PARVA: variants seen among roughly 807,000 people sequenced by gnomAD.
PARVA encodes parvin alpha.
A neutral mutation model predicts 52.6 loss-of-function variants in PARVA; 25 were observed. The ratio of observed to expected loss-of-function variants is 0.48; its 90% CI spans 0.35 to 0.66. The LOEUF (loss-of-function observed/expected upper bound fraction) is 0.66. Among genes scored for constraint, PARVA ranks in the 30% least tolerant of loss-of-function variants. The probability of loss-of-function intolerance (pLI) is 0.01; values close to 1 mark genes in which losing one functional copy is unlikely to be tolerated. For missense variants in PARVA, 373 were observed against 450.9 expected, an observed-to-expected ratio of 0.83 and a Z score of 1.56; for synonymous variants, 185 against 179.1, an observed-to-expected ratio of 1.03 and a Z score of -0.26.
At chr11:12,437,676 CA>C (rs1564846711) in intron 1 of PARVA, among the ~76,000 whole-genome samples, 1 of 152,138 alleles carries the variant, frequency 6.6e-6, no homozygotes, top group African/African-American at 2.4e-5. Context: ...AAAAGAGCAT[CA>C]AGGCTGTGCT....
chr11:12,508,871 A>G (rs60327557), intron 7 of PARVA, among the ~76,000 whole-genome samples: 6,910 of 152,120 alleles, frequency 0.045, 452 homozygotes, highest in African/African-American at 0.15. Context: ...AGTGATTGAA[A>G]ACTTCTAATT....
intron 1 of PARVA, among the ~76,000 whole-genome samples, chr11:12,461,125 T>C (rs953723148): frequency 1.3e-5 from 2 of 152,200 alleles, no homozygotes; most frequent in African/African-American, 4.8e-5. Context: ...GGCTGCCCTT[T>C]AGGAACCAAC....
intron 4 of PARVA, among the ~76,000 whole-genome samples, chr11:12,494,749 C>T (rs1941276696): frequency 6.6e-6 from 1 of 151,990 alleles, no homozygotes; most frequent in Admixed American, 6.6e-5. Flanking sequence ...CTGTTCAATG[C>T]CAGATTTTAA....
intron 1 of PARVA, among the ~76,000 whole-genome samples, chr11:12,460,188 C>T (rs1179114127): frequency 6.6e-6 from 1 of 152,118 alleles, no homozygotes; most frequent in Admixed American, 6.5e-5. Context: ...ATGGACGAAA[C>T]ATTTTCGTAT....
At chr11:12,482,893 C>G (rs1171109241) in intron 4 of PARVA, among the ~76,000 whole-genome samples, 1 of 152,232 alleles carries the variant, frequency 6.6e-6, no homozygotes, top group South Asian at 2.1e-4. Context: ...GGCAAGGACA[C>G]AGCCAAACCA....
intron 1 of PARVA, among the ~76,000 whole-genome samples, chr11:12,451,949 A>G (rs1940628981): frequency 6.6e-6 from 1 of 152,124 alleles, no homozygotes; most frequent in East Asian, 1.9e-4. Flanking sequence ...TAGTAATTAC[A>G]TCTCGGGATT....
chr11:12,490,043 C>T (rs985845176), intron 4 of PARVA, among the ~76,000 whole-genome samples: 15 of 151,790 alleles, frequency 9.9e-5, no homozygotes, highest in Admixed American at 6.6e-5. Context: ...GGTGAAACCC[C>T]GTCTCTATGA....
intron 1 of PARVA, among the ~76,000 whole-genome samples, chr11:12,438,835 C>T (rs1940423583): frequency 6.6e-6 from 1 of 152,154 alleles, no homozygotes; most frequent in Admixed American, 6.6e-5. Flanking sequence ...GCTTAAATCC[C>T]TCCTGCCTTG....
chr11:12,414,637 A>T (rs1481475710), intron 1 of PARVA, among the ~76,000 whole-genome samples: 4 of 147,224 alleles, frequency 2.7e-5, no homozygotes, highest in African/African-American at 5.0e-5. Context: ...TGAAAATTTC[A>T]TTTTTTTTTT....
chr11:12,381,602 T>C (rs768647820), intron 1 of PARVA, among the ~76,000 whole-genome samples: 75 of 152,366 alleles, frequency 4.9e-4, no homozygotes, highest in Non-Finnish European at 8.2e-4. Flanking sequence ...CCCCACAAAC[T>C]TAACTGCTAA....
intron 1 of PARVA, among the ~76,000 whole-genome samples, chr11:12,417,790 G>A (rs1003537020): frequency 6.6e-6 from 1 of 152,106 alleles, no homozygotes; most frequent in Non-Finnish European, 1.5e-5. Flanking sequence ...TTGTCCTCAG[G>A]GCCCCCCGGG....
intron 1 of PARVA, among the ~76,000 whole-genome samples, chr11:12,412,108 C>T (rs1290197173): frequency 6.6e-6 from 1 of 152,164 alleles, no homozygotes; most frequent in African/African-American, 2.4e-5. Flanking sequence ...GACACTGTCC[C>T]TAGGGTTCCC....
intron 1 of PARVA, among the ~76,000 whole-genome samples, chr11:12,384,739 T>C (rs1405013866): frequency 6.6e-6 from 1 of 151,814 alleles, no homozygotes; most frequent in East Asian, 1.9e-4. Flanking sequence ...GTGGACCTGG[T>C]ACATTATTGA....
intron 1 of PARVA, among the ~76,000 whole-genome samples, chr11:12,460,485 G>A (rs1040671852): frequency 4.0e-5 from 6 of 151,482 alleles, no homozygotes; most frequent in African/African-American, 1.5e-4. Flanking sequence ...CAATGTGTGT[G>A]CCCTCACCAT....
intron 3 of PARVA, among the ~76,000 whole-genome samples, chr11:12,474,651 G>A (rs768961640): frequency 3.3e-5 from 5 of 152,088 alleles, no homozygotes; most frequent in African/African-American, 4.8e-5. Context: ...TGGGCAATGC[G>A]ATGAAACATC....
At position 12,529,180 on chromosome 11, in the gene PARVA, A is replaced by C. The variant is rs1355262860; in HGVS notation, c.*1255A>C. 1 of 152,182 alleles carries C rather than the reference A, an allele frequency of 6.6e-6. No homozygotes were observed. Among genetic ancestry groups the C allele is most frequent in the Non-Finnish European group, 1.5e-5 (1 of 68,038 alleles). The allele number at this position is 152,182 out of a possible 1,614,324, so 9.4% of individuals were successfully genotyped here. On this transcript the variant is annotated 3_prime_UTR_variant, in exon 13 of 13. Transcript: ENST00000334956. ...GCTAATTCAAGCGAGGAAAAATGTA[A>C]GTCATTTAGACCAAAGCCAAGCAGT...
At chr11:12,508,453 T>A (rs1369974862) in intron 6 of PARVA, 131 bp from the exon 7 acceptor site, 2 of 724,786 alleles carry the variant, frequency 2.8e-6, no homozygotes, top group African/African-American at 3.6e-5. Context: ...TCCAGCATTA[T>A]CTTATCTTGG....
chr11:12,518,832 TG>T (rs1386631723), intron 12 of PARVA, among the ~76,000 whole-genome samples: 1 of 152,204 alleles, frequency 6.6e-6, no homozygotes, highest in Non-Finnish European at 1.5e-5. Flanking sequence ...GGTGCTGACC[TG>T]CCAAAGAGCT....
At chr11:12,449,366 A>T (rs1301596785) in intron 1 of PARVA, among the ~76,000 whole-genome samples, 1 of 152,018 alleles carries the variant, frequency 6.6e-6, no homozygotes, top group Non-Finnish European at 1.5e-5. Flanking sequence ...CATGTTGGAT[A>T]GGCTGGTTTC....
Sources: allele counts gnomAD v4.1 joint callset (sites outside exome capture counted in the v4.1 genomes callset), GRCh38; gene constraint gnomAD v4.1.1; transcripts MANE v1.5; gene names NCBI Gene and HGNC (gene_info 2026-07-23, HGNC 2026-07-21).